Variants in FOXP1 observed in about 807,000 individuals in gnomAD.
The protein encoded by FOXP1 is forkhead box protein P1.
Under a neutral mutation model 98.2 loss-of-function variants are expected in FOXP1, and 15 were observed. The ratio of observed to expected loss-of-function variants is 0.15; its 90% CI spans 0.10 to 0.24. The LOEUF (loss-of-function observed/expected upper bound fraction) is 0.24. FOXP1 is among the 10% of genes least tolerant of loss of function. The pLI is 1.00. For missense variants in FOXP1, 633 were observed against 848.5 expected, an observed-to-expected ratio of 0.75 and a Z score of 3.15; for synonymous variants, 371 against 314.5, an observed-to-expected ratio of 1.18 and a Z score of -1.90.
intron 3 of FOXP1, among the ~76,000 whole-genome samples, chr3:71,483,979 C>T (rs2106894873): frequency 6.6e-6 from 1 of 152,280 alleles, no homozygotes; most frequent in South Asian, 2.1e-4. Flanking sequence ...CACCTATTGG[C>T]CTCATTATCC....
intron 3 of FOXP1, among the ~76,000 whole-genome samples, chr3:71,374,285 A>G (rs2079551922): frequency 6.6e-6 from 1 of 152,156 alleles, no homozygotes; most frequent in South Asian, 2.1e-4. Flanking sequence ...TTTATTCAGA[A>G]TTTGCATTCT....
At chr3:71,331,758 C>G (rs2076330066) in intron 4 of FOXP1, among the ~76,000 whole-genome samples, 1 of 151,974 alleles carries the variant, frequency 6.6e-6, no homozygotes, top group South Asian at 2.1e-4. Flanking sequence ...TTATGTCTAG[C>G]TAAGGGATTG....
intron 2 of FOXP1, among the ~76,000 whole-genome samples, chr3:71,519,021 G>A (rs570642534): frequency 2.6e-5 from 4 of 152,326 alleles, no homozygotes; most frequent in African/African-American, 9.6e-5. Flanking sequence ...CGAGACGGGC[G>A]GATCGCCTGA....
intron 3 of FOXP1, among the ~76,000 whole-genome samples, chr3:71,428,443 T>C (rs1008685400): frequency 6.6e-6 from 1 of 152,224 alleles, no homozygotes; most frequent in Non-Finnish European, 1.5e-5. Context: ...GCAGTAGAAG[T>C]TGACAGAGCT....
chr3:70,977,472 G>C (rs1480897515), intron 16 of FOXP1, among the ~76,000 whole-genome samples, 171 bp downstream of exon 16: 3 of 152,166 alleles, frequency 2.0e-5, no homozygotes, highest in African/African-American at 7.2e-5. Context: ...ACATCGTATT[G>C]TAATACTTAA....
chr3:71,014,074 C>G (rs2044078272), intron 12 of FOXP1, among the ~76,000 whole-genome samples: 1 of 152,132 alleles, frequency 6.6e-6, no homozygotes, highest in South Asian at 2.1e-4. Context: ...TAGGCAATAC[C>G]ATTCAGGGCA....
chr3:71,379,257 C>G (rs2079960829), intron 3 of FOXP1, among the ~76,000 whole-genome samples: 1 of 152,128 alleles, frequency 6.6e-6, no homozygotes, highest in South Asian at 2.1e-4. Flanking sequence ...AGGCTCCAGA[C>G]TTGAACCTCT....
intron 2 of FOXP1, among the ~76,000 whole-genome samples, chr3:71,532,385 C>T (rs1269177350): frequency 2.0e-5 from 3 of 152,192 alleles, no homozygotes; most frequent in Non-Finnish European, 2.9e-5. Flanking sequence ...GCATGAGCCA[C>T]CACGGCCGGC....
intron 2 of FOXP1, among the ~76,000 whole-genome samples, chr3:71,564,638 T>C (rs2046777370): frequency 6.6e-6 from 1 of 152,346 alleles, no homozygotes; most frequent in African/African-American, 2.4e-5. Context: ...GTTACACCCT[T>C]GGCCAGTGAT....
chr3:71,226,234 G>A (rs2065823316), intron 5 of FOXP1, among the ~76,000 whole-genome samples: 2 of 152,206 alleles, frequency 1.3e-5, no homozygotes, highest in Non-Finnish European at 2.9e-5. Flanking sequence ...AGTCCCTCTG[G>A]TTAGGAACTG....
intron 5 of FOXP1, among the ~76,000 whole-genome samples, chr3:71,227,848 G>A (rs963529607): frequency 6.6e-6 from 1 of 152,088 alleles, no homozygotes; most frequent in Non-Finnish European, 1.5e-5. Flanking sequence ...AAGTAAAGAG[G>A]AAGGAGGAGT....
At chr3:71,133,537 T>C (rs1384985823) in intron 6 of FOXP1, among the ~76,000 whole-genome samples, 1 of 152,258 alleles carries the variant, frequency 6.6e-6, no homozygotes, top group Non-Finnish European at 1.5e-5. Flanking sequence ...AGGTGAAACC[T>C]GATCCCCGTG....
chr3:71,028,140 T>C (rs2046381263), intron 11 of FOXP1, among the ~76,000 whole-genome samples: 1 of 152,150 alleles, frequency 6.6e-6, no homozygotes, highest in Non-Finnish European at 1.5e-5. Context: ...AGGCCAAAAT[T>C]GAAATTTTTT....
intron 6 of FOXP1, among the ~76,000 whole-genome samples, chr3:71,114,655 C>T (rs1314100765): frequency 6.6e-6 from 1 of 152,196 alleles, no homozygotes. Context: ...GAACTCACCA[C>T]GACCAGCCCT....
intron 3 of FOXP1, among the ~76,000 whole-genome samples, chr3:71,438,742 G>GAAA (rs766986643): frequency 0.014 from 1,808 of 125,868 alleles, 41 homozygotes; most frequent in African/African-American, 0.049. Flanking sequence ...CTAATTTGGA[G>GAAA]AAAAAAAAAA....
chr3:71,269,497 T>C (rs1442209207), intron 5 of FOXP1, among the ~76,000 whole-genome samples: 2 of 152,202 alleles, frequency 1.3e-5, no homozygotes, highest in African/African-American at 2.4e-5. Flanking sequence ...TTCAGTTTCA[T>C]TACTGGCCTC....
chr3:71,087,973 A>G (rs1033125173), intron 7 of FOXP1, among the ~76,000 whole-genome samples: 8 of 152,182 alleles, frequency 5.3e-5, no homozygotes, highest in African/African-American at 1.9e-4. Flanking sequence ...GGCATAATGT[A>G]CCTCCCATGT....
chr3:71,383,421 C>T (rs1225819060), intron 3 of FOXP1, among the ~76,000 whole-genome samples: 2 of 152,090 alleles, frequency 1.3e-5, no homozygotes, highest in Non-Finnish European at 2.9e-5. Context: ...TTAGGGCAGA[C>T]ATTGTTGGTC....
chr3:71,399,494 G>A (rs551555594), intron 3 of FOXP1, among the ~76,000 whole-genome samples: 114 of 152,284 alleles, frequency 7.5e-4, no homozygotes, highest in Non-Finnish European at 1.2e-3. Flanking sequence ...TATACCTGAA[G>A]TTCTAAAATC....
Sources: gnomAD v4.1 joint callset for allele counts (sites outside exome capture counted in the v4.1 genomes callset) on GRCh38, gnomAD v4.1.1 for gene constraint, MANE v1.5 for transcripts, NCBI Gene and HGNC (gene_info 2026-07-23, HGNC 2026-07-21) for gene names.